NCAN: variants seen among roughly 807,000 people sequenced by gnomAD.
The protein encoded by NCAN is neurocan core protein.
In NCAN, 47 loss-of-function variants were observed where a neutral mutation model predicts 121.8. That is an observed-to-expected ratio of 0.39 (90% CI 0.31 to 0.49). NCAN has a LOEUF of 0.49. NCAN is among the 20% of genes least tolerant of loss of function. The probability of loss-of-function intolerance (pLI) is 0.92; values close to 1 mark genes in which losing one functional copy is unlikely to be tolerated. For synonymous variants in NCAN, 633 were observed against 702.0 expected (o/e 0.90, Z 1.55); for missense variants, 1,517 against 1,773.4 (o/e 0.86, Z 2.60).
intron 12 of NCAN, among the ~76,000 whole-genome samples, chr19:19,242,165 A>G (rs2060905494): frequency 6.6e-6 from 1 of 152,112 alleles, no homozygotes; most frequent in Admixed American, 6.6e-5. Context: ...ATTTCACTCC[A>G]GCCTGGGCAA....
intron 3 of NCAN, among the ~76,000 whole-genome samples, chr19:19,219,672 C>A (rs140506915): frequency 1.6e-3 from 80 of 49,242 alleles, no homozygotes; most frequent in Non-Finnish European, 1.7e-3. Context: ...GACCCTGTCA[C>A]AAAAAAAAAA....
intron 8 of NCAN, 87 bp downstream of exon 8, chr19:19,228,726 A>C: frequency 1.4e-6 from 2 of 1,417,536 alleles, no homozygotes; most frequent in Non-Finnish European, 1.9e-6. Context: ...GCAGGGAGGA[A>C]TGGTTGTCCC....
intron 3 of NCAN, among the ~76,000 whole-genome samples, chr19:19,220,082 C>CT (rs2060810996): frequency 6.6e-6 from 1 of 152,016 alleles, no homozygotes; most frequent in South Asian, 2.1e-4. Flanking sequence ...TAACACCTCT[C>CT]TTTTTTAGCT....
At chr19:19,214,227 C>T (rs1032615643) in intron 1 of NCAN, among the ~76,000 whole-genome samples, 1 of 118,420 alleles carries the variant, frequency 8.4e-6, no homozygotes, top group Non-Finnish European at 1.7e-5. Flanking sequence ...CTCACACACA[C>T]TCTCTCACAC....
intron 5 of NCAN, 78 bp from the exon 6 acceptor site, chr19:19,224,899 A>C (rs1358201528): frequency 8.0e-7 from 1 of 1,244,410 alleles, no homozygotes; most frequent in Admixed American, 3.6e-5. Flanking sequence ...GGTCGGAACT[A>C]TTTGGAGTTG....
chr19:19,217,767 A>T (rs2060801003), intron 2 of NCAN, among the ~76,000 whole-genome samples: 1 of 151,992 alleles, frequency 6.6e-6, no homozygotes, highest in Non-Finnish European at 1.5e-5. Context: ...CAGGCAGATC[A>T]CTTGAGGTCA....
Position 19,225,327 on chromosome 19 carries a change from G to T in NCAN, c.1072+57G>T. On this transcript the variant is annotated intron_variant, in intron 6 of 14. Transcript: ENST00000252575. This position sits in a 1 kb window ranked among gnomAD's most constrained non-coding sequence, Gnocchi z 4.0. ...GGGCTTTCACTTTGGCGAAGGCCAC[G>T]TCCCTGAAAGCCTCGCCAAGCCAAG... is the stretch of plus-strand genomic sequence containing the variant. The T allele has an allele frequency of 6.9e-7, 1 of 1,452,072 alleles. No homozygotes were observed. Among genetic ancestry groups the T allele is most frequent in the Non-Finnish European group, 9.0e-7 (1 of 1,115,564 alleles). 89.9% of individuals were successfully genotyped at this position (1,452,072 alleles called of 1,614,324 possible). A position where few individuals can be genotyped will look rare whatever the true frequency, so the allele number is the denominator to read the frequency against.
Position 19,212,317 on chromosome 19 carries a change from CG to C in NCAN, c.-8+256del. Among the ~76,000 whole-genome samples, 1 of 126,160 alleles carries C rather than the reference CG, an allele frequency of 7.9e-6. No individual in the cohort carries two copies. Among genetic ancestry groups the C allele is most frequent in the Non-Finnish European group, 1.7e-5 (1 of 58,726 alleles). 82.8% of individuals were successfully genotyped at this position (126,160 alleles called of 152,430 possible). On this transcript the variant is annotated intron_variant, in intron 1 of 14. Transcript: ENST00000252575. This position sits in a 1 kb window ranked among gnomAD's most constrained non-coding sequence, Gnocchi z 4.5. ...GACTACCCCCCGGTGGGGAGGGGGC[CG>C]GGCTGGGGGTGGGTCTCAGGGTTGA...
chr19:19,234,515 C>G (rs2060873972), intron 9 of NCAN, among the ~76,000 whole-genome samples: 1 of 152,144 alleles, frequency 6.6e-6, no homozygotes, highest in East Asian at 1.9e-4. Flanking sequence ...AGCTGAGTTT[C>G]AAGGAGGGGA....
At chr19:19,242,997 C>T (rs185603237) in intron 12 of NCAN, among the ~76,000 whole-genome samples, 2 of 151,534 alleles carry the variant, frequency 1.3e-5, no homozygotes, top group South Asian at 2.1e-4. Context: ...TGAGACAGAG[C>T]GAGACTCCGG....
intron 3 of NCAN, among the ~76,000 whole-genome samples, chr19:19,223,177 C>G (rs1170280547): frequency 1.3e-5 from 2 of 151,884 alleles, no homozygotes; most frequent in East Asian, 3.9e-4. Flanking sequence ...CACATTTGGT[C>G]TCCCATTGCT....
chr19:19,239,621 T>C (rs1599820869), intron 11 of NCAN, among the ~76,000 whole-genome samples: 1 of 60,298 alleles, frequency 1.7e-5, no homozygotes, highest in East Asian at 5.8e-4. Flanking sequence ...CTCTCTCCTC[T>C]CCTCCCCCTT....
intron 14 of NCAN, 59 bp downstream of exon 14, chr19:19,248,941 A>AAGACATCCT: frequency 6.4e-7 from 1 of 1,562,130 alleles, no homozygotes; most frequent in Non-Finnish European, 8.8e-7. Flanking sequence ...GTTTCCAAGT[A>AAGACATCCT]AGACATCCTA....
Position 19,219,061 on chromosome 19 carries a change from CCT to C in NCAN, c.222_223del (p.Arg75AspfsTer59), listed in dbSNP as rs1346098941. The C allele has an allele frequency of 6.2e-7, 1 of 1,612,182 alleles. No individual in the cohort carries two copies. The highest frequency in any genetic ancestry group is 1.7e-5 in the Admixed American group (1 of 59,832). On this transcript the variant is annotated frameshift_variant, in exon 3 of 15. Coordinates refer to ENST00000252575, the MANE Select transcript of NCAN (RefSeq NM_004386.3). LOFTEE classifies it high-confidence loss of function. Reference sequence around the variant, plus strand: ...ACGGCCAAGCGCAGCCCGAGATGCCCCTCGGATAAAGTGGACCAAGGTGCGGA... The same window carrying C: ...ACGGCCAAGCGCAGCCCGAGATGCCCCGGATAAAGTGGACCAAGGTGCGGA... ...QPRPSAARDA[P>X]RIKWTKVRTA... is the part of the protein sequence containing the mutation.
chr19:19,224,181 T>A lies in NCAN; in HGVS notation c.636T>A (p.Ser212=), dbSNP rs373643349. 6.3e-7 allele frequency: 1 copy of A among 1,591,742 alleles called. No individual in the cohort carries two copies. The highest frequency in any genetic ancestry group is 8.6e-7 in the Non-Finnish European group (1 of 1,163,872). The part of the protein sequence containing the change: ...GFDNCDAGWL[S]DRTVRYPITQ... ...ACAACTGTGATGCTGGCTGGCTCTC[T>A]GACCGCACTGTTCGGTGAGGGGGAT... Residue 212 remains serine, a synonymous_variant, in exon 4 of 15, where the codon TCT becomes TCA. Coordinates refer to ENST00000252575, the MANE Select transcript of NCAN (RefSeq NM_004386.3).
chr19:19,244,497 C>G (rs1292021631), intron 12 of NCAN, among the ~76,000 whole-genome samples: 1 of 151,718 alleles, frequency 6.6e-6, no homozygotes, highest in Non-Finnish European at 1.5e-5. Context: ...TTATGAGAGA[C>G]AGGGTTTCAC....
chr19:19,249,405 G>T (rs989532111), intron 14 of NCAN, among the ~76,000 whole-genome samples: 14 of 151,650 alleles, frequency 9.2e-5, no homozygotes, highest in African/African-American at 3.4e-4. Flanking sequence ...GCCTCACTCT[G>T]TTGCCCAGGC....
In NCAN at chr19:19,227,838, C is replaced by T; in HGVS notation, c.2218C>T (p.Pro740Ser). ...CAGGAATGTGGCTGTAGGTTTTGTC[C>T]CCACTGAGACTGCCACTGAGCCAAC... is the stretch of plus-strand genomic sequence containing the variant. ...VNRNVAVGFV[P>S]TETATEPTGL... Residue 740 changes from proline (P) to serine (S), a missense_variant, in exon 8 of 15, where the codon CCC (proline) becomes TCC (serine). Transcript: ENST00000252575. The surrounding 1 kb of genome is among the most constrained non-coding windows in gnomAD (Gnocchi z 4.2). The T allele has an allele frequency of 6.2e-7, 1 of 1,613,614 alleles. No individual in the cohort carries two copies. The highest frequency in any genetic ancestry group is 8.5e-7 in the Non-Finnish European group (1 of 1,179,994).
chr19:19,227,799 T>C lies in NCAN; in HGVS notation c.2179T>C (p.Trp727Arg), dbSNP rs2060843387. The C allele has an allele frequency of 6.2e-7, 1 of 1,613,694 alleles. No individual in the cohort carries two copies. Among genetic ancestry groups the C allele is most frequent in the Non-Finnish European group, 8.5e-7 (1 of 1,180,018 alleles). The change falls in exon 8 of 15, where the codon TGG (tryptophan) becomes CGG (arginine). Residue 727 changes from tryptophan (W) to arginine (R), a missense_variant. Coordinates refer to ENST00000252575, the MANE Select transcript of NCAN (RefSeq NM_004386.3). The surrounding 1 kb of genome is among the most constrained non-coding windows in gnomAD (Gnocchi z 4.2). ...AGCTGAGCACTCCAGCTCCAGCCCA[T>C]GGCCTTCTGTAAACAGGAATGTGGC... Reference protein sequence around the residue: ...NKAEHSSSSPWPSVNRNVAVG... With the variant: ...NKAEHSSSSPRPSVNRNVAVG...
Sources: gnomAD v4.1 joint callset for allele counts (sites outside exome capture counted in the v4.1 genomes callset) on GRCh38, gnomAD v4.1.1 for gene constraint, Gnocchi (gnomAD v3.1) non-coding constraint, MANE v1.5 for transcripts, NCBI Gene and HGNC (gene_info 2026-07-23, HGNC 2026-07-21) for gene names.